The following PCSK5 variants were observed in gnomAD, a reference collection of about 807,000 sequenced individuals.
PCSK5 encodes the protein prohormone convertase 5.
In PCSK5, 129 loss-of-function variants were observed where a neutral mutation model predicts 233.2. The ratio of observed to expected loss-of-function variants is 0.55; its 90% CI spans 0.48 to 0.64. The LOEUF (loss-of-function observed/expected upper bound fraction) is 0.64. PCSK5 is among the 30% of genes least tolerant of loss of function. PCSK5 has a pLI of 0.00. For synonymous variants in PCSK5, 825 were observed against 879.2 expected (o/e 0.94, Z 1.09); for missense variants, 2,076 against 2,430.1 (o/e 0.85, Z 3.06).
intron 26 of PCSK5, among the ~76,000 whole-genome samples, chr9:76,296,400 G>A (rs763242020): frequency 9.2e-5 from 14 of 152,250 alleles, no homozygotes; most frequent in East Asian, 7.7e-4. Context: ...TATATAAGCC[G>A]TGCGTGGTGA....
chr9:75,941,953 T>G (rs1824324442), intron 2 of PCSK5, among the ~76,000 whole-genome samples: 1 of 152,254 alleles, frequency 6.6e-6, no homozygotes, highest in South Asian at 2.1e-4. Flanking sequence ...AGTAAATTAT[T>G]TAAAAAATGA....
chr9:75,981,414 C>T (rs1826272778), intron 2 of PCSK5, among the ~76,000 whole-genome samples: 1 of 152,170 alleles, frequency 6.6e-6, no homozygotes. Flanking sequence ...CTTTCCAAAT[C>T]CAACTCCTTT....
chr9:76,321,381 C>T, intron 30 of PCSK5, 41 bp from the exon 31 acceptor site: 1 of 1,059,054 alleles, frequency 9.4e-7, no homozygotes, highest in Non-Finnish European at 1.5e-6. Context: ...ACTTCTCCAG[C>T]AGGTCAGCTT....
chr9:76,168,855 A>G (rs1217234998), intron 12 of PCSK5, among the ~76,000 whole-genome samples: 2 of 152,112 alleles, frequency 1.3e-5, no homozygotes, highest in African/African-American at 4.8e-5. Context: ...AAAATTCCCC[A>G]TGCCTCTTTT....
At chr9:76,051,069 G>T (rs1473221999) in intron 5 of PCSK5, among the ~76,000 whole-genome samples, 1 of 152,110 alleles carries the variant, frequency 6.6e-6, no homozygotes, top group African/African-American at 2.4e-5. Context: ...TCCATTTCTA[G>T]GGGTCTAACC....
intron 5 of PCSK5, among the ~76,000 whole-genome samples, chr9:76,045,069 ATGATAATACATTT>A (rs1829318379): frequency 6.6e-6 from 1 of 152,226 alleles, no homozygotes; most frequent in African/African-American, 2.4e-5. Context: ...GAAGAGGAAC[ATGATAATACATTT>A]TGAATGGATT....
intron 3 of PCSK5, among the ~76,000 whole-genome samples, chr9:76,012,308 C>G (rs562523846): frequency 9.0e-4 from 137 of 152,244 alleles, no homozygotes; most frequent in Non-Finnish European, 1.5e-3. Flanking sequence ...AAATCGTACA[C>G]ATCAGATTGA....
intron 24 of PCSK5, among the ~76,000 whole-genome samples, chr9:76,276,812 AGCAGTTCTTG>A (rs1827703250): frequency 6.6e-6 from 1 of 152,202 alleles, no homozygotes; most frequent in Non-Finnish European, 1.5e-5. Context: ...GCTATATACC[AGCAGTTCTTG>A]GCACTGGAGA....
At chr9:76,193,577 T>C (rs10869729) in intron 20 of PCSK5, 51,267 of 451,048 alleles carry the variant, frequency 0.11, 3,413 homozygotes, top group South Asian at 0.14. Flanking sequence ...CTACCTTTTA[T>C]AACTGGGTGT....
At chr9:75,946,921 T>C (rs982855961) in intron 2 of PCSK5, among the ~76,000 whole-genome samples, 16 of 152,214 alleles carry the variant, frequency 1.1e-4, no homozygotes, top group African/African-American at 3.6e-4. Context: ...CTTTGAGCTC[T>C]TCCCCAGATA....
chr9:76,030,987 G>A (rs1828631361), intron 5 of PCSK5, among the ~76,000 whole-genome samples: 2 of 152,126 alleles, frequency 1.3e-5, no homozygotes, highest in Admixed American at 6.5e-5. Flanking sequence ...CATCCTGACG[G>A]TGAAATAGGG....
intron 1 of PCSK5, among the ~76,000 whole-genome samples, chr9:75,901,475 T>G (rs1826031412): frequency 6.6e-6 from 1 of 150,704 alleles, no homozygotes; most frequent in African/African-American, 2.4e-5. Context: ...CTGTTGGGGG[T>G]GGCGGGAAAA....
chr9:76,034,504 T>G (rs1313368424), intron 5 of PCSK5, among the ~76,000 whole-genome samples: 1 of 151,814 alleles, frequency 6.6e-6, no homozygotes, highest in Non-Finnish European at 1.5e-5. Flanking sequence ...ATGTATCCCC[T>G]CCTCTTCTTC....
At chr9:76,102,674 G>A (rs149576391) in intron 8 of PCSK5, among the ~76,000 whole-genome samples, 5 of 151,722 alleles carry the variant, frequency 3.3e-5, no homozygotes, top group Admixed American at 1.3e-4. Flanking sequence ...TGTAGTACTT[G>A]TGAGAGTATT....
At chr9:76,352,979 C>T (rs1365299951) in intron 36 of PCSK5, among the ~76,000 whole-genome samples, 2 of 151,462 alleles carry the variant, frequency 1.3e-5, no homozygotes, top group Admixed American at 6.6e-5. Context: ...AATCCGATCA[C>T]ACCAGTGCAC....
chr9:76,085,593 C>T (rs977988057), intron 7 of PCSK5, among the ~76,000 whole-genome samples: 19 of 152,102 alleles, frequency 1.2e-4, no homozygotes, highest in Non-Finnish European at 2.2e-4. Context: ...AGCCTGATAA[C>T]AGCTGTAATT....
At chr9:76,175,286 C>CGAATAGAATA (rs760081310) in intron 14 of PCSK5, 157 bp downstream of exon 14, 63 of 541,982 alleles carry the variant, frequency 1.2e-4, no homozygotes, top group Non-Finnish European at 1.7e-4. Context: ...CGAATCGAAT[C>CGAATAGAATA]GAATCGAATA....
chr9:76,009,972 C>T (rs1827661242), intron 3 of PCSK5, among the ~76,000 whole-genome samples: 2 of 152,044 alleles, frequency 1.3e-5, no homozygotes, highest in Admixed American at 1.3e-4. Context: ...GTGCGCTGCA[C>T]CAGGCCTGAA....
intron 30 of PCSK5, among the ~76,000 whole-genome samples, chr9:76,320,434 AAAAAAAAG>A (rs1381738061): frequency 4.4e-4 from 29 of 65,644 alleles, no homozygotes; most frequent in African/African-American, 2.1e-3. Flanking sequence ...GTCTCAAAAA[AAAAAAAAG>A]AAAAAAAAAA....
Sources: gnomAD v4.1 joint callset for allele counts (sites outside exome capture counted in the v4.1 genomes callset) on GRCh38, gnomAD v4.1.1 for gene constraint, MANE v1.5 for transcripts, NCBI Gene and HGNC (gene_info 2026-07-23, HGNC 2026-07-21) for gene names.